RNF38: variants seen among roughly 807,000 people sequenced by gnomAD.
RNF38 encodes ring finger protein 38, also known as E3 ubiquitin-protein ligase RNF38.
Under a neutral mutation model 67.2 loss-of-function variants are expected in RNF38, and 15 were observed. The ratio of observed to expected loss-of-function variants is 0.22; its 90% CI spans 0.15 to 0.34. The LOEUF is 0.34. Among genes scored for constraint, RNF38 ranks in the 10% least tolerant of loss-of-function variants. The probability of loss-of-function intolerance (pLI) is 1.00; values close to 1 mark genes in which losing one functional copy is unlikely to be tolerated. For synonymous variants in RNF38, 220 were observed against 218.8 expected (o/e 1.01, Z -0.05); for missense variants, 524 against 639.9 (o/e 0.82, Z 1.95).
At chr9:36,416,523 A>G (rs904996938) in intron 2 of RNF38, among the ~76,000 whole-genome samples, 2 of 152,112 alleles carry the variant, frequency 1.3e-5, no homozygotes, top group Non-Finnish European at 2.9e-5. Context: ...CTGTGCCAGT[A>G]TCTGCACTTT....
intron 6 of RNF38, 27 bp downstream of exon 6, chr9:36,356,276 T>C: frequency 6.2e-7 from 1 of 1,610,762 alleles, no homozygotes; most frequent in Non-Finnish European, 8.5e-7. Flanking sequence ...AAACTAAACA[T>C]TCTGACATAA....
chr9:36,394,492 G>A (rs921233222), intron 1 of RNF38, among the ~76,000 whole-genome samples: 1 of 152,184 alleles, frequency 6.6e-6, no homozygotes, highest in Non-Finnish European at 1.5e-5. Context: ...TTCTTCTCCA[G>A]AATTTTGGCT....
intron 9 of RNF38, among the ~76,000 whole-genome samples, chr9:36,347,981 C>T (rs1587470256): frequency 1.3e-5 from 2 of 152,004 alleles, no homozygotes; most frequent in South Asian, 2.1e-4. Flanking sequence ...GAGGCTGAGG[C>T]GGGAGAATGA....
upstream of RNF38, among the ~76,000 whole-genome samples, chr9:36,403,740 A>G (rs992397190): frequency 1.3e-5 from 2 of 152,230 alleles, no homozygotes; most frequent in Non-Finnish European, 2.9e-5. Context: ...ATACATGGGA[A>G]TAACAGCAGC....
upstream of RNF38, chr9:36,400,499 G>T (rs1300443066): frequency 2.0e-6 from 2 of 1,002,610 alleles, no homozygotes; most frequent in South Asian, 4.5e-5. Context: ...GGCTCTCAAC[G>T]GCCCGCAGCC....
intron 1 of RNF38, 149 bp downstream of exon 1, chr9:36,399,948 T>C (rs1837872128): frequency 2.9e-6 from 2 of 697,644 alleles, no homozygotes; most frequent in Non-Finnish European, 4.7e-6. Flanking sequence ...ATACGTTAAG[T>C]CCACCGCTTA....
At chr9:36,472,834 G>A (rs114987868) in intron 1 of RNF38, among the ~76,000 whole-genome samples, 52 of 152,134 alleles carry the variant, frequency 3.4e-4, no homozygotes, top group Middle Eastern at 3.4e-3. Flanking sequence ...GGCTGGGTAC[G>A]GTGGCTCATA....
intron 4 of RNF38, among the ~76,000 whole-genome samples, chr9:36,359,523 A>G (rs1257809997): frequency 6.6e-6 from 1 of 152,172 alleles, no homozygotes; most frequent in African/African-American, 2.4e-5. Flanking sequence ...AAGTACGCAC[A>G]CATTCCTGGA....
intron 9 of RNF38, among the ~76,000 whole-genome samples, chr9:36,345,801 T>C (rs1833185049): frequency 6.6e-6 from 1 of 152,234 alleles, no homozygotes; most frequent in Admixed American, 6.5e-5. Context: ...AGACTCTTTT[T>C]CACTCTTAAA....
rs372003346 is a variant in RNF38 at position 36,339,643 on chromosome 9, C to T, written c.*109G>A. On this transcript the variant is annotated 3_prime_UTR_variant, in exon 12 of 12. Coordinates refer to ENST00000259605, the MANE Select transcript of RNF38 (RefSeq NM_022781.5). ...CACAGTGCAAAGAAAGGTCCATTGACCCTTTTGGTAAAGGGAGGGCTGGAA... is the reference window on the plus strand; with the variant it reads ...CACAGTGCAAAGAAAGGTCCATTGATCCTTTTGGTAAAGGGAGGGCTGGAA... 1.2e-6 allele frequency: 1 copy of T among 808,060 alleles called. No homozygotes were observed. Among genetic ancestry groups the T allele is most frequent in the African/African-American group, 1.7e-5 (1 of 58,798 alleles). The allele number at this position is 808,060 out of a possible 1,614,324, so 50.1% of individuals were successfully genotyped here.
intron 1 of RNF38, among the ~76,000 whole-genome samples, chr9:36,430,267 C>T (rs921451113): frequency 2.0e-5 from 3 of 152,058 alleles, no homozygotes; most frequent in East Asian, 3.9e-4. Context: ...AGTGCAATGG[C>T]GCGATCTCAG....
chr9:36,382,156 C>G (rs1273366162), intron 2 of RNF38, among the ~76,000 whole-genome samples: 1 of 152,226 alleles, frequency 6.6e-6, no homozygotes, highest in Non-Finnish European at 1.5e-5. Flanking sequence ...ACCAACTTTT[C>G]AAAGTACCAA....
At chr9:36,358,778 G>C (rs1362274875) in intron 4 of RNF38, among the ~76,000 whole-genome samples, 1 of 152,182 alleles carries the variant, frequency 6.6e-6, no homozygotes, top group African/African-American at 2.4e-5. Flanking sequence ...GGGAGGCCGA[G>C]GTGGGCAGAT....
At chr9:36,484,097 T>C (rs913354196) in intron 1 of RNF38, among the ~76,000 whole-genome samples, 3 of 152,086 alleles carry the variant, frequency 2.0e-5, no homozygotes, top group Non-Finnish European at 4.4e-5. Context: ...AAGATAGTGG[T>C]TCTCAAACTT....
At chr9:36,372,558 T>C (rs1243451441) in intron 3 of RNF38, 1 of 716,256 alleles carries the variant, frequency 1.4e-6, no homozygotes, top group Non-Finnish European at 2.6e-6. Context: ...ACAGCCTGTT[T>C]CTGGGAGAAA....
At chr9:36,361,384 C>T (rs1483624819) in intron 4 of RNF38, among the ~76,000 whole-genome samples, 2 of 150,354 alleles carry the variant, frequency 1.3e-5, no homozygotes, top group Non-Finnish European at 2.9e-5. Flanking sequence ...AGGATGGTCT[C>T]GATCTCCTGA....
At chr9:36,481,718 CACG>C (rs1840273506) in intron 1 of RNF38, among the ~76,000 whole-genome samples, 1 of 152,210 alleles carries the variant, frequency 6.6e-6, no homozygotes, top group Admixed American at 6.5e-5. Flanking sequence ...AGCATTCATC[CACG>C]ACAACTGTCC....
intron 3 of RNF38, among the ~76,000 whole-genome samples, chr9:36,373,968 G>A (rs1835588953): frequency 6.6e-6 from 1 of 152,154 alleles, no homozygotes; most frequent in African/African-American, 2.4e-5. Flanking sequence ...TGGGATTACA[G>A]GTGCGAGCCA....
At chr9:36,442,768 G>T (rs1177313739) in intron 1 of RNF38, among the ~76,000 whole-genome samples, 1 of 152,164 alleles carries the variant, frequency 6.6e-6, no homozygotes, top group Non-Finnish European at 1.5e-5. Flanking sequence ...ACAGAGAGAG[G>T]CTCAGTCTCA....
Sources: gnomAD v4.1 joint callset for allele counts (sites outside exome capture counted in the v4.1 genomes callset) on GRCh38, gnomAD v4.1.1 for gene constraint, MANE v1.5 for transcripts, NCBI Gene and HGNC (gene_info 2026-07-23, HGNC 2026-07-21) for gene names.